WWOX: variants seen among roughly 807,000 people sequenced by gnomAD.
The protein encoded by WWOX is WW domain containing oxidoreductase.
Under a neutral mutation model 46.2 loss-of-function variants are expected in WWOX, and 69 were observed. The observed-to-expected ratio is 1.49, with a 90% CI of 1.23 to 1.82. The LOEUF (loss-of-function observed/expected upper bound fraction) is 1.82. Among genes scored for constraint, WWOX ranks in the 40% most tolerant of loss-of-function variants. The pLI, the probability that WWOX is intolerant of heterozygous loss-of-function variation, is 0.00. For missense variants in WWOX, 919 were observed against 542.6 expected, an observed-to-expected ratio of 1.69 and a Z score of -6.89; for synonymous variants, 359 against 202.6, an observed-to-expected ratio of 1.77 and a Z score of -6.56.
Position 78,877,431 on chromosome 16 carries a change from T to C in WWOX, c.1057-334177T>C, listed in dbSNP as rs368207305. Among the ~76,000 whole-genome samples the C allele has an allele frequency of 9.9e-5, 15 of 152,168 alleles. No individual in the cohort carries two copies. The East Asian group carries it at 1.7e-3, about 18-fold the overall frequency. ...CTTCTGCCTGGAGTATTCTTCCACGTAGCACCATGAGCTGTTCTTCTCCAA... is the reference window on the plus strand; with the variant it reads ...CTTCTGCCTGGAGTATTCTTCCACGCAGCACCATGAGCTGTTCTTCTCCAA... On this transcript the variant is annotated intron_variant, in intron 8 of 8. Transcript: ENST00000566780.
At chr16:78,314,721 T>TTTTTTTTTTTTTTTTC (rs2080326947) in intron 5 of WWOX, among the ~76,000 whole-genome samples, 1 of 128,362 alleles carries the variant, frequency 7.8e-6, no homozygotes, top group African/African-American at 3.0e-5. Flanking sequence ...TTTTTTTTTT[T>TTTTTTTTTTTTTTTTC]CTGTATTTTC....
chr16:78,355,340 C>G (rs940377085), intron 5 of WWOX, among the ~76,000 whole-genome samples: 2 of 152,042 alleles, frequency 1.3e-5, no homozygotes, highest in Admixed American at 1.3e-4. Flanking sequence ...CAGTGGCTCA[C>G]GCCTGTAATC....
chr16:79,072,145 G>T (rs1451599462), intron 8 of WWOX, among the ~76,000 whole-genome samples: 1 of 152,062 alleles, frequency 6.6e-6, no homozygotes, highest in Admixed American at 6.6e-5. Flanking sequence ...AATTAGTTAG[G>T]CATGGTAGAG....
At chr16:78,576,638 G>C (rs1236271670) in intron 8 of WWOX, among the ~76,000 whole-genome samples, 1 of 152,182 alleles carries the variant, frequency 6.6e-6, no homozygotes, top group African/African-American at 2.4e-5. Context: ...TTTGTGACCA[G>C]CCTGGGCACT....
intron 8 of WWOX, among the ~76,000 whole-genome samples, chr16:78,879,276 A>T (rs928023181): frequency 2.0e-5 from 3 of 152,186 alleles, no homozygotes; most frequent in East Asian, 1.9e-4. Flanking sequence ...GCAAGTGAAG[A>T]TTGCATCTCA....
chr16:78,251,484 C>G (rs994038983), intron 5 of WWOX, among the ~76,000 whole-genome samples: 1 of 152,196 alleles, frequency 6.6e-6, no homozygotes, highest in Non-Finnish European at 1.5e-5. Context: ...CCAGGCGTCT[C>G]TCAGCTTCTC....
chr16:78,330,106 G>A (rs1032982562), intron 5 of WWOX, among the ~76,000 whole-genome samples: 6 of 151,980 alleles, frequency 3.9e-5, no homozygotes, highest in East Asian at 1.9e-4. Flanking sequence ...TCCTTAACGC[G>A]TAAATGTTTA....
At chr16:78,402,382 C>G (rs747868352) in intron 6 of WWOX, among the ~76,000 whole-genome samples, 1 of 152,120 alleles carries the variant, frequency 6.6e-6, no homozygotes, top group African/African-American at 2.4e-5. Flanking sequence ...GGTTGTCAGT[C>G]GGATATTTCT....
At chr16:79,067,305 T>C (rs2048459477) in intron 8 of WWOX, among the ~76,000 whole-genome samples, 1 of 152,224 alleles carries the variant, frequency 6.6e-6, no homozygotes, top group Non-Finnish European at 1.5e-5. Context: ...TGCAAGGTCC[T>C]GCATGACTTG....
At chr16:79,078,929 A>T (rs948108650) in intron 8 of WWOX, among the ~76,000 whole-genome samples, 5 of 152,324 alleles carry the variant, frequency 3.3e-5, no homozygotes, top group Admixed American at 1.3e-4. Context: ...GGCCTCTCCC[A>T]ACCAGAGATC....
chr16:79,175,869 T>G (rs1206601479), intron 8 of WWOX, among the ~76,000 whole-genome samples: 1 of 152,172 alleles, frequency 6.6e-6, no homozygotes, highest in African/African-American at 2.4e-5. Context: ...TACTCATGAT[T>G]GCACTAACAG....
intron 5 of WWOX, among the ~76,000 whole-genome samples, chr16:78,170,245 A>T (rs1678318066): frequency 6.6e-6 from 1 of 152,222 alleles, no homozygotes; most frequent in Non-Finnish European, 1.5e-5. Context: ...AGAATCAGAT[A>T]CATCTTATGA....
rs146179996 is a variant in WWOX, at chr16:78,761,771, C to G, written c.1056+329019C>G. Among the ~76,000 whole-genome samples, 372 of 152,184 alleles carry G rather than the reference C, an allele frequency of 2.4e-3. 1 individual carries two copies. Among genetic ancestry groups the G allele is most frequent in the Admixed American group, 5.9e-3 (90 of 15,276 alleles). ...TCTTTTTTGGATTTAGGTATTAACC[C>G]CTTGGTGTGAGGAGAAAGATAATTG... On this transcript the variant is annotated intron_variant, in intron 8 of 8. Coordinates refer to ENST00000566780, the MANE Select transcript of WWOX (RefSeq NM_016373.4).
chr16:78,213,668 G>T (rs1444831016), intron 5 of WWOX, among the ~76,000 whole-genome samples: 1 of 152,006 alleles, frequency 6.6e-6, no homozygotes, highest in African/African-American at 2.4e-5. Context: ...TAAACAGAAG[G>T]AAAAGATGAC....
chr16:78,490,712 A>G (rs980800368), intron 8 of WWOX, among the ~76,000 whole-genome samples: 105 of 152,130 alleles, frequency 6.9e-4, no homozygotes, highest in African/African-American at 2.5e-3. Flanking sequence ...TCCTGCAGCA[A>G]ACTGCATTGA....
At chr16:78,421,363 C>T (rs1261743268) in intron 6 of WWOX, among the ~76,000 whole-genome samples, 2 of 152,108 alleles carry the variant, frequency 1.3e-5, no homozygotes, top group African/African-American at 4.8e-5. Flanking sequence ...CTTAGTCAGT[C>T]TAATCTCTGC....
At chr16:78,382,586 A>C (rs2081977620) in intron 5 of WWOX, among the ~76,000 whole-genome samples, 1 of 152,146 alleles carries the variant, frequency 6.6e-6, no homozygotes. Context: ...CTTACTGACC[A>C]CTCTGACGTA....
intron 5 of WWOX, among the ~76,000 whole-genome samples, chr16:78,374,689 C>T (rs1440463962): frequency 6.6e-6 from 1 of 151,842 alleles, no homozygotes; most frequent in East Asian, 1.9e-4. Flanking sequence ...GCTGGAACTA[C>T]AGGTGCCCGC....
chr16:78,814,045 A>G (rs118141212), intron 8 of WWOX, among the ~76,000 whole-genome samples: 6,518 of 152,242 alleles, frequency 0.043, 237 homozygotes, highest in Non-Finnish European at 0.067. Flanking sequence ...TCCTTGCTGA[A>G]TATCTGCACT....
Sources: gnomAD v4.1 joint callset for allele counts (sites outside exome capture counted in the v4.1 genomes callset) on GRCh38, gnomAD v4.1.1 for gene constraint, MANE v1.5 for transcripts, NCBI Gene and HGNC (gene_info 2026-07-23, HGNC 2026-07-21) for gene names.